Variants in ANKRD31 observed in about 807,000 individuals in gnomAD.
The protein encoded by ANKRD31 is ankyrin repeat domain 31, also known as ankyrin repeat domain-containing protein 31.
ANKRD31 carries 147 observed loss-of-function variants against 186.0 expected under a neutral mutation model. That is an observed-to-expected ratio of 0.79 (90% CI 0.69 to 0.91). The LOEUF is 0.91. Among genes scored for constraint, ANKRD31 ranks in the 40% least tolerant of loss-of-function variants. The probability of loss-of-function intolerance (pLI) is 0.00; values close to 1 mark genes in which losing one functional copy is unlikely to be tolerated. For missense variants in ANKRD31, 1,986 were observed against 2,148.8 expected, an observed-to-expected ratio of 0.92 and a Z score of 1.50; for synonymous variants, 673 against 736.4, an observed-to-expected ratio of 0.91 and a Z score of 1.39.
intron 1 of ANKRD31, among the ~76,000 whole-genome samples, chr5:75,231,248 ATT>A (rs534940246): frequency 2.8e-5 from 4 of 144,452 alleles, no homozygotes; most frequent in African/African-American, 5.0e-5. Context: ...TTTTTAATTA[ATT>A]TTTTTTTTTT....
In ANKRD31 at chr5:75,215,093, C is replaced by A. The variant is rs545497972; in HGVS notation, c.289-4228G>T. Among the ~76,000 whole-genome samples, 16 of 152,220 alleles carry A rather than the reference C, an allele frequency of 1.1e-4. 1 individual carries two copies. In the South Asian group the frequency reaches 1.9e-3, roughly 18 times the overall value. ...TCAACAGGCAGAGAACCAGAACAGG[C>A]AATAGTACAGATGGAGTTTAAAGGC... is the stretch of plus-strand genomic sequence containing the variant. On this transcript the variant is annotated intron_variant, in intron 3 of 25. Transcript: ENST00000506364.
At chr5:75,171,654 A>T (rs1753330377) in intron 10 of ANKRD31, among the ~76,000 whole-genome samples, 1 of 151,786 alleles carries the variant, frequency 6.6e-6, no homozygotes, top group Admixed American at 6.6e-5. Context: ...AAGAGCCATA[A>T]ATCGATTCTT....
chr5:75,077,865 G>T (rs1380031696), intron 25 of ANKRD31, among the ~76,000 whole-genome samples: 1 of 150,088 alleles, frequency 6.7e-6, no homozygotes, highest in Non-Finnish European at 1.5e-5. Context: ...GCGGGAGGCG[G>T]AGGTTGCAGT....
At chr5:75,229,672 C>T (rs1225161502) in intron 2 of ANKRD31, among the ~76,000 whole-genome samples, 1 of 151,928 alleles carries the variant, frequency 6.6e-6, no homozygotes, top group African/African-American at 2.4e-5. Context: ...CAAGACCAGC[C>T]TGGCCAATAT....
intron 24 of ANKRD31, among the ~76,000 whole-genome samples, chr5:75,082,950 G>A (rs1397630141): frequency 2.0e-5 from 3 of 152,084 alleles, no homozygotes; most frequent in Non-Finnish European, 4.4e-5. Context: ...AAACAGATTC[G>A]CTGTGCTTCC....
At chr5:75,128,081 T>G (rs1394485300) in intron 17 of ANKRD31, among the ~76,000 whole-genome samples, 2 of 152,200 alleles carry the variant, frequency 1.3e-5, no homozygotes. Context: ...CTTTTTACTT[T>G]CCAAATACAT....
At chr5:75,083,157 T>A (rs974121372) in intron 24 of ANKRD31, among the ~76,000 whole-genome samples, 12 of 152,328 alleles carry the variant, frequency 7.9e-5, no homozygotes, top group Middle Eastern at 3.4e-3. Context: ...TGAAGGTAAT[T>A]TGATCCAATC....
intron 10 of ANKRD31, among the ~76,000 whole-genome samples, chr5:75,179,646 A>C (rs1040329547): frequency 1.3e-5 from 2 of 152,214 alleles, no homozygotes; most frequent in African/African-American, 4.8e-5. Context: ...CGATTATCTC[A>C]ATAGATGCAG....
At chr5:75,197,199 G>A (rs1268464676) in intron 6 of ANKRD31, among the ~76,000 whole-genome samples, 2 of 152,096 alleles carry the variant, frequency 1.3e-5, no homozygotes, top group Non-Finnish European at 1.5e-5. Context: ...ACCATGCCCA[G>A]CCTCACAATG....
At chr5:75,115,548 A>C (rs1234197763) in intron 19 of ANKRD31, among the ~76,000 whole-genome samples, 10 of 151,192 alleles carry the variant, frequency 6.6e-5, no homozygotes, top group Non-Finnish European at 1.3e-4. Context: ...CAATGAACTC[A>C]AACAAATTTA....
At position 75,166,941 on chromosome 5, in the gene ANKRD31, C is replaced by T. The variant is rs552945051; in HGVS notation, c.1707+2038G>A. On this transcript the variant is annotated intron_variant, in intron 11 of 25. Transcript: ENST00000506364. The stretch of plus-strand genomic sequence containing the variant: ...GTTTTATTAAGATGTAATTCACATG[C>T]CACACAGTCTACCTATTTAAAGAAT... Among the ~76,000 whole-genome samples, 90 of 152,236 alleles carry T rather than the reference C, an allele frequency of 5.9e-4. 1 individual carries two copies. Among genetic ancestry groups the T allele is most frequent in the African/African-American group, 2.1e-3 (86 of 41,540 alleles).
At chr5:75,089,477 C>G (rs1439665002) in intron 23 of ANKRD31, among the ~76,000 whole-genome samples, 2 of 152,158 alleles carry the variant, frequency 1.3e-5, no homozygotes, top group African/African-American at 4.8e-5. Flanking sequence ...TTCACATTTA[C>G]CCATGTAGCA....
At chr5:75,159,537 CTTA>C (rs1752431592) in intron 11 of ANKRD31, among the ~76,000 whole-genome samples, 1 of 151,746 alleles carries the variant, frequency 6.6e-6, no homozygotes, top group Non-Finnish European at 1.5e-5. Flanking sequence ...TAGTATCTCA[CTTA>C]TTAGAAACAA....
intron 12 of ANKRD31, among the ~76,000 whole-genome samples, chr5:75,149,129 A>G (rs1751687106): frequency 6.6e-6 from 1 of 152,018 alleles, no homozygotes; most frequent in African/African-American, 2.4e-5. Context: ...GAAAAAGATT[A>G]TTTTTAAAAA....
In ANKRD31 at chr5:75,192,820, C is replaced by A. The variant is rs768873753; in HGVS notation, c.1299-44G>T. 5.3e-5 allele frequency: 71 copies of A among 1,339,790 alleles called. No individual in the cohort carries two copies. In the African/African-American group the frequency reaches 1.1e-3, roughly 20 times the overall value. 83.0% of individuals were successfully genotyped at this position (1,339,790 alleles called of 1,614,324 possible). On this transcript the variant is annotated intron_variant, in intron 8 of 25. Coordinates refer to ENST00000506364, the MANE Select transcript of ANKRD31 (RefSeq NM_001372053.1). ...TTTTAAATGGCTATAACGGTTTTTG[C>A]AAACATTCACAGAGAATTATACCAA... is the stretch of plus-strand genomic sequence containing the variant.
chr5:75,225,228 T>G (rs959462649), intron 2 of ANKRD31, among the ~76,000 whole-genome samples: 7 of 152,216 alleles, frequency 4.6e-5, no homozygotes, highest in African/African-American at 1.7e-4. Context: ...TTTTCATATT[T>G]TGTAATAGTA....
intron 4 of ANKRD31, among the ~76,000 whole-genome samples, 186 bp from the exon 5 acceptor site, chr5:75,206,673 C>T (rs1756269405): frequency 1.3e-5 from 2 of 151,868 alleles, no homozygotes; most frequent in Admixed American, 6.6e-5. Context: ...CAAGTAACTG[C>T]ACAAATGAAG....
At chr5:75,169,864 A>G (rs1417493449) in intron 10 of ANKRD31, among the ~76,000 whole-genome samples, 2 of 152,156 alleles carry the variant, frequency 1.3e-5, no homozygotes, top group Non-Finnish European at 2.9e-5. Flanking sequence ...CCCTGGCCTC[A>G]ACCCACCAGA....
chr5:75,078,077 CTACCT>C (rs1481541554), intron 25 of ANKRD31, among the ~76,000 whole-genome samples: 1 of 151,404 alleles, frequency 6.6e-6, no homozygotes, highest in Non-Finnish European at 1.5e-5. Flanking sequence ...GATATATTAT[CTACCT>C]TATGAGTTAG....
Sources: gnomAD v4.1 joint callset for allele counts (sites outside exome capture counted in the v4.1 genomes callset) on GRCh38, gnomAD v4.1.1 for gene constraint, MANE v1.5 for transcripts, NCBI Gene and HGNC (gene_info 2026-07-23, HGNC 2026-07-21) for gene names.